TBC1D31: variants seen among roughly 807,000 people sequenced by gnomAD.
TBC1D31 encodes TBC1 domain family member 31.
TBC1D31 carries 99 observed loss-of-function variants against 132.9 expected under a neutral mutation model. The observed-to-expected ratio is 0.74, with a 90% CI of 0.63 to 0.88. The LOEUF (loss-of-function observed/expected upper bound fraction) is 0.88, where lower values mean the gene tolerates loss of function less well. TBC1D31 is among the 40% of genes least tolerant of loss of function. TBC1D31 has a pLI of 0.00. For missense variants in TBC1D31, 1,134 were observed against 1,256.6 expected, an observed-to-expected ratio of 0.90 and a Z score of 1.48; for synonymous variants, 385 against 419.4, an observed-to-expected ratio of 0.92 and a Z score of 1.00.
the TBC1D31 span, among the ~76,000 whole-genome samples, chr8:123,161,486 G>A: frequency 3.9e-5 from 6 of 152,152 alleles, no homozygotes; most frequent in Non-Finnish European, 7.4e-5. Flanking sequence ...TCAAACTCAA[G>A]GTCAGGCGAC....
intron 10 of TBC1D31, among the ~76,000 whole-genome samples, chr8:123,112,369 C>T (rs1439070621): frequency 1.3e-5 from 2 of 152,140 alleles, no homozygotes; most frequent in African/African-American, 4.8e-5. Context: ...TCAGAACAGG[C>T]TGACTTCTGT....
intron 5 of TBC1D31, among the ~76,000 whole-genome samples, chr8:123,095,612 A>T (rs1816766141): frequency 6.6e-6 from 1 of 152,176 alleles, no homozygotes; most frequent in South Asian, 2.1e-4. Flanking sequence ...ATTCTTAGAG[A>T]TGTTCCAATT....
chr8:123,141,526 A>T (rs1821666788), intron 18 of TBC1D31, among the ~76,000 whole-genome samples: 1 of 147,162 alleles, frequency 6.8e-6, no homozygotes, highest in Admixed American at 6.8e-5. Flanking sequence ...TTGAAATAGA[A>T]CTTGAGACTT....
the TBC1D31 span, among the ~76,000 whole-genome samples, chr8:123,159,105 C>T: frequency 6.6e-6 from 1 of 151,978 alleles, no homozygotes; most frequent in Non-Finnish European, 1.5e-5. Context: ...GATCTGCAGG[C>T]CCGAGGAGAT....
chr8:123,095,076 T>G (rs1816722082), intron 5 of TBC1D31, among the ~76,000 whole-genome samples: 1 of 152,168 alleles, frequency 6.6e-6, no homozygotes, highest in Non-Finnish European at 1.5e-5. Context: ...ATATTCTGGA[T>G]TTTGCTCTTG....
intron 6 of TBC1D31, among the ~76,000 whole-genome samples, chr8:123,100,222 G>C (rs1392693477): frequency 6.6e-6 from 1 of 152,104 alleles, no homozygotes; most frequent in Non-Finnish European, 1.5e-5. Flanking sequence ...GTTCCCTCCT[G>C]GTTCTGATTA....
intron 17 of TBC1D31, among the ~76,000 whole-genome samples, chr8:123,138,221 CTACA>C (rs1821283732): frequency 6.6e-6 from 1 of 152,070 alleles, no homozygotes; most frequent in Non-Finnish European, 1.5e-5. Flanking sequence ...TTCTAAATGG[CTACA>C]TATTTTTGTA....
Position 123,152,122 on chromosome 8 carries a change from T to C in TBC1D31, c.*183T>C, listed in dbSNP as rs1050272141. 1 of 507,804 alleles carries C rather than the reference T, an allele frequency of 2.0e-6. No individual in the cohort carries two copies. Among genetic ancestry groups the C allele is most frequent in the East Asian group, 3.6e-5 (1 of 27,830 alleles). The allele number at this position is 507,804 out of a possible 1,614,324, so 31.5% of individuals were successfully genotyped here. On this transcript the variant is annotated 3_prime_UTR_variant, in exon 22 of 22. Transcript: ENST00000287380. ...GGCTTGTAAATGGCTTCTTGAACTTTTTACAATAAAAATGTTTTAGAAACT... is the reference window on the plus strand; with the variant it reads ...GGCTTGTAAATGGCTTCTTGAACTTCTTACAATAAAAATGTTTTAGAAACT...
chr8:123,094,304 C>T (rs967577480), intron 5 of TBC1D31, among the ~76,000 whole-genome samples: 6 of 151,706 alleles, frequency 4.0e-5, no homozygotes, highest in South Asian at 2.1e-4. Context: ...CCTTGTGATC[C>T]GCCCGCCTCG....
At chr8:123,152,468 C>T (rs1413645309), downstream of TBC1D31, among the ~76,000 whole-genome samples, 1 of 152,208 alleles carries the variant, frequency 6.6e-6, no homozygotes, top group Non-Finnish European at 1.5e-5. Context: ...GCAGCACCGA[C>T]TGCTCTTCCT....
chr8:123,077,803 A>AT (rs1814693127), intron 2 of TBC1D31, among the ~76,000 whole-genome samples: 1 of 152,080 alleles, frequency 6.6e-6, no homozygotes, highest in Non-Finnish European at 1.5e-5. Context: ...TGATCCAGAA[A>AT]TTTGGGAGGC....
At chr8:123,104,836 G>T (rs1383368377) in intron 7 of TBC1D31, among the ~76,000 whole-genome samples, 1 of 152,132 alleles carries the variant, frequency 6.6e-6, no homozygotes, top group Non-Finnish European at 1.5e-5. Context: ...GAGGTTCCAT[G>T]CTTCTAGAAG....
intron 20 of TBC1D31, among the ~76,000 whole-genome samples, chr8:123,147,653 A>G (rs1822349480): frequency 6.6e-6 from 1 of 152,072 alleles, no homozygotes; most frequent in Admixed American, 6.6e-5. Flanking sequence ...TCAGCCATGT[A>G]TGTTTTTTAA....
chr8:123,083,699 C>T (rs930387848), intron 3 of TBC1D31: 1 of 153,066 alleles, frequency 6.5e-6, no homozygotes, highest in African/African-American at 2.4e-5. Flanking sequence ...CTTAGTAGCT[C>T]TTGGATTTGT....
At chr8:123,160,702 G>C in the TBC1D31 span, among the ~76,000 whole-genome samples, 14 of 152,192 alleles carry the variant, frequency 9.2e-5, no homozygotes, top group Non-Finnish European at 2.1e-4. Context: ...GCCGGTACAG[G>C]GTACCAGGCC....
Position 123,072,827 on chromosome 8 carries a change from TC to T in TBC1D31, c.62del (p.Pro21ArgfsTer8), listed in dbSNP as rs1354995103. On this transcript the variant is annotated frameshift_variant, in exon 1 of 22. Transcript: ENST00000287380. LOFTEE classifies it high-confidence loss of function. Reference sequence around the variant, plus strand: ...CGGCAAGATATGGCACCGCAAGCCGTCCCCGGCCACGCGGGACGGGTAAAGG... The same window carrying T: ...CGGCAAGATATGGCACCGCAAGCCGTCCCGGCCACGCGGGACGGGTAAAGG... ...ESGKIWHRKP[S>X]PATRDGIIVN... The T allele has an allele frequency of 1.3e-6, 2 of 1,570,818 alleles. No homozygotes were observed. Among genetic ancestry groups the T allele is most frequent in the Non-Finnish European group, 1.7e-6 (2 of 1,158,520 alleles).
At chr8:123,103,117 TC>T (rs1483189109) in intron 7 of TBC1D31, 1 of 152,220 alleles carries the variant, frequency 6.6e-6, no homozygotes, top group Non-Finnish European at 1.5e-5. Context: ...GAGCAGTGTT[TC>T]AGTATTCACT....
In TBC1D31 at chr8:123,121,534, G is replaced by A. The variant is rs184824390; in HGVS notation, c.1570+1346G>A. Among the ~76,000 whole-genome samples, 7 of 152,254 alleles carry A rather than the reference G, an allele frequency of 4.6e-5. No homozygotes were observed. In the East Asian group the frequency reaches 1.4e-3, roughly 30 times the overall value. ...GTGCCATTCCCTTGGTTGTAAGCGAGTTCTCGCTCAGTTAGTTCACACGAG... is the reference window on the plus strand; with the variant it reads ...GTGCCATTCCCTTGGTTGTAAGCGAATTCTCGCTCAGTTAGTTCACACGAG... On this transcript the variant is annotated intron_variant, in intron 11 of 21. Coordinates refer to ENST00000287380, the MANE Select transcript of TBC1D31 (RefSeq NM_145647.4).
chr8:123,103,171 T>C (rs913065988), intron 7 of TBC1D31: 2 of 152,212 alleles, frequency 1.3e-5, no homozygotes, highest in East Asian at 3.8e-4. Flanking sequence ...CTGCAAATAG[T>C]GAGAATTAAC....
Sources: gnomAD v4.1 joint callset for allele counts (sites outside exome capture counted in the v4.1 genomes callset) on GRCh38, gnomAD v4.1.1 for gene constraint, MANE v1.5 for transcripts, NCBI Gene and HGNC (gene_info 2026-07-23, HGNC 2026-07-21) for gene names.